The following ANO3 variants were observed in gnomAD, a reference collection of about 807,000 sequenced individuals.
ANO3 encodes the protein anoctamin 3.
ANO3 carries 99 observed loss-of-function variants against 144.8 expected under a neutral mutation model. The ratio of observed to expected loss-of-function variants is 0.68; its 90% CI spans 0.58 to 0.81. The LOEUF (loss-of-function observed/expected upper bound fraction) is 0.81, where lower values mean the gene tolerates loss of function less well. Among genes scored for constraint, ANO3 ranks in the 30% least tolerant of loss-of-function variants. The pLI, the probability that ANO3 is intolerant of heterozygous loss-of-function variation, is 0.00. For missense variants in ANO3, 905 were observed against 1,202.2 expected, an observed-to-expected ratio of 0.75 and a Z score of 3.66; for synonymous variants, 414 against 392.6, an observed-to-expected ratio of 1.05 and a Z score of -0.64.
chr11:26,317,199 G>A (rs1445282239), intron 1 of ANO3, among the ~76,000 whole-genome samples: 1 of 151,902 alleles, frequency 6.6e-6, no homozygotes, highest in Non-Finnish European at 1.5e-5. Context: ...GGTGCTATAC[G>A]AGATAAGTTG....
chr11:26,546,875 T>C (rs1008774944), intron 11 of ANO3, among the ~76,000 whole-genome samples: 3 of 151,744 alleles, frequency 2.0e-5, no homozygotes, highest in Admixed American at 6.6e-5. Context: ...TTTTTGTAAG[T>C]TTAGGGACAG....
chr11:26,593,049 C>T (rs1349288267), intron 14 of ANO3, among the ~76,000 whole-genome samples: 1 of 151,948 alleles, frequency 6.6e-6, no homozygotes, highest in African/African-American at 2.4e-5. Context: ...TTTCCCTTTC[C>T]TTTCCTTTCT....
intron 1 of ANO3, among the ~76,000 whole-genome samples, chr11:26,209,315 G>T (rs1027620451): frequency 7.2e-5 from 11 of 152,176 alleles, no homozygotes; most frequent in Non-Finnish European, 1.3e-4. Flanking sequence ...GCCTGCAAAA[G>T]ACATGAACTC....
intron 1 of ANO3, among the ~76,000 whole-genome samples, chr11:26,298,858 G>A (rs1029503875): frequency 2.6e-5 from 4 of 152,102 alleles, no homozygotes; most frequent in African/African-American, 4.8e-5. Context: ...TTTCTCCATC[G>A]ACTGAAATGA....
chr11:26,232,914 A>G (rs1031048117), intron 1 of ANO3, among the ~76,000 whole-genome samples: 3 of 152,136 alleles, frequency 2.0e-5, no homozygotes, highest in African/African-American at 7.2e-5. Context: ...ATAATCTACA[A>G]GGAACTTAAA....
chr11:26,398,250 T>C (rs1857066522), intron 1 of ANO3, among the ~76,000 whole-genome samples: 1 of 152,054 alleles, frequency 6.6e-6, no homozygotes, highest in South Asian at 2.1e-4. Flanking sequence ...ATGTCATAAG[T>C]GATTTTGAAA....
At chr11:26,290,016 T>G (rs1222196087) in intron 1 of ANO3, among the ~76,000 whole-genome samples, 1 of 152,084 alleles carries the variant, frequency 6.6e-6, no homozygotes, top group Non-Finnish European at 1.5e-5. Flanking sequence ...TCTGGTAGAA[T>G]TCAGCTGCGA....
At chr11:26,465,319 G>GA (rs35019425) in intron 4 of ANO3, among the ~76,000 whole-genome samples, 12 of 151,404 alleles carry the variant, frequency 7.9e-5, no homozygotes, top group African/African-American at 1.9e-4. Flanking sequence ...TAGATAGATA[G>GA]TTAAATTATA....
chr11:26,483,560 A>G (rs1306406905), intron 4 of ANO3, among the ~76,000 whole-genome samples: 2 of 152,000 alleles, frequency 1.3e-5, no homozygotes, highest in Non-Finnish European at 2.9e-5. Context: ...GCCTTCTACC[A>G]TGATTGTAAG....
chr11:26,642,701 CAAT>C (rs1853206976), intron 22 of ANO3, among the ~76,000 whole-genome samples: 1 of 152,144 alleles, frequency 6.6e-6, no homozygotes, highest in Admixed American at 6.5e-5. Flanking sequence ...TCACGCAAAG[CAAT>C]AATTATTTTT....
intron 4 of ANO3, among the ~76,000 whole-genome samples, chr11:26,475,117 A>G (rs529135858): frequency 3.3e-5 from 5 of 151,896 alleles, no homozygotes; most frequent in Non-Finnish European, 7.4e-5. Context: ...ATAATATAAG[A>G]TGGTCTAAGA....
intron 1 of ANO3, among the ~76,000 whole-genome samples, chr11:26,201,134 A>T (rs1851684404): frequency 6.6e-6 from 1 of 152,182 alleles, no homozygotes; most frequent in South Asian, 2.1e-4. Context: ...CACATATATA[A>T]GCACCATGTG....
intron 14 of ANO3, among the ~76,000 whole-genome samples, chr11:26,586,501 A>ATATTTTTTTT: frequency 2.5e-5 from 1 of 40,030 alleles, no homozygotes; most frequent in African/African-American, 8.9e-5. Context: ...CCTGGTGAGA[A>ATATTTTTTTT]TCTTTTTTTT....
chr11:26,630,260 C>T (rs1852733255), intron 18 of ANO3, among the ~76,000 whole-genome samples: 7 of 152,048 alleles, frequency 4.6e-5, no homozygotes, highest in Admixed American at 4.6e-4. Context: ...TTGTAAAAAC[C>T]AGAGTTTAAA....
At chr11:26,561,852 A>G (rs1483800758) in intron 14 of ANO3, among the ~76,000 whole-genome samples, 2 of 151,970 alleles carry the variant, frequency 1.3e-5, no homozygotes, top group South Asian at 2.1e-4. Context: ...GCAAAACTGG[A>G]CATGCTCTTG....
intron 3 of ANO3, among the ~76,000 whole-genome samples, chr11:26,457,266 A>G (rs898061602): frequency 1.8e-4 from 28 of 151,440 alleles, no homozygotes; most frequent in Non-Finnish European, 3.2e-4. Context: ...GTTTTTGCAC[A>G]TGTACCCTAG....
Position 26,641,871 on chromosome 11 carries a change from G to A in ANO3, c.2142-25G>A, listed in dbSNP as rs368927710. ...CAGATGCTTGAATCAGAGCTCAAAA[G>A]TCCTTGGTCTGCTCTGTGATGTAGG... On this transcript the variant is annotated intron_variant, in intron 21 of 26. Transcript: ENST00000256737. 13 of 1,609,662 alleles carry A rather than the reference G, an allele frequency of 8.1e-6. No homozygotes were observed. The African/African-American group carries it at 9.4e-5, about 12-fold the overall frequency.
intron 3 of ANO3, among the ~76,000 whole-genome samples, chr11:26,457,560 A>G (rs376580652): frequency 6.6e-6 from 1 of 152,124 alleles, no homozygotes; most frequent in Admixed American, 6.6e-5. Flanking sequence ...GTAACTGTGT[A>G]TAGATTCTTG....
At chr11:26,436,168 T>G (rs1439134102) in intron 1 of ANO3, among the ~76,000 whole-genome samples, 1 of 152,140 alleles carries the variant, frequency 6.6e-6, no homozygotes, top group African/African-American at 2.4e-5. Flanking sequence ...ACTTTTCCAG[T>G]AGATGGGTGC....
Sources: gnomAD v4.1 joint callset for allele counts (sites outside exome capture counted in the v4.1 genomes callset) on GRCh38, gnomAD v4.1.1 for gene constraint, MANE v1.5 for transcripts, NCBI Gene and HGNC (gene_info 2026-07-23, HGNC 2026-07-21) for gene names.